ARHGEF4: variants seen among roughly 807,000 people sequenced by gnomAD.
The protein encoded by ARHGEF4 is APC-stimulated guanine nucleotide exchange factor 1.
ARHGEF4 carries 119 observed loss-of-function variants against 162.0 expected under a neutral mutation model. The observed-to-expected ratio is 0.73, with a 90% CI of 0.63 to 0.86. The LOEUF is 0.86. Among genes scored for constraint, ARHGEF4 ranks in the 40% least tolerant of loss-of-function variants. The probability of loss-of-function intolerance (pLI) is 0.00; values close to 1 mark genes in which losing one functional copy is unlikely to be tolerated. For missense variants in ARHGEF4, 2,488 were observed against 2,456.0 expected (o/e 1.01, Z -0.28); for synonymous variants, 1,014 against 979.9 (o/e 1.03, Z -0.65).
chr2:130,893,050 C>T (rs911365965), intron 1 of ARHGEF4, among the ~76,000 whole-genome samples: 1 of 152,248 alleles, frequency 6.6e-6, no homozygotes. Context: ...GCGTGCAAAG[C>T]CCCTGCACCT....
In ARHGEF4 at chr2:130,914,913, TC is replaced by T. The variant is rs1417657259; in HGVS notation, c.972del (p.Arg325AspfsTer7). 2.0e-6 allele frequency: 3 copies of T among 1,523,414 alleles called. No homozygotes were observed. In the East Asian group the frequency reaches 7.4e-5, roughly 37 times the overall value. The allele number at this position is 1,523,414 out of a possible 1,614,324, so 94.4% of individuals were successfully genotyped here. A position where few individuals can be genotyped will look rare whatever the true frequency, so the allele number is the denominator to read the frequency against. ...AACTACTGGTGACAAGAACAGGGCA[TC>T]CCCCAGACTCAACTGTGGGCACATG... ...PETTGDKNRASPRLNCGHMRA... is the reference protein window; with the variant it reads ...PETTGDKNRAXPRLNCGHMRA... On this transcript the variant is annotated frameshift_variant, in exon 2 of 14. Transcript: ENST00000409359. LOFTEE classifies it high-confidence loss of function.
intron 6 of ARHGEF4, 153 bp from the exon 7 acceptor site, chr2:131,039,863 G>A: frequency 7.0e-7 from 1 of 1,428,816 alleles, no homozygotes; most frequent in Non-Finnish European, 9.1e-7. Flanking sequence ...TTGCGTGGGT[G>A]GCGTGGTGGG....
intron 2 of ARHGEF4, among the ~76,000 whole-genome samples, chr2:130,925,149 G>A (rs1396171721): frequency 6.6e-6 from 1 of 151,198 alleles, no homozygotes; most frequent in Non-Finnish European, 1.5e-5. Flanking sequence ...TCTAAAATTT[G>A]TATGGAGAGA....
chr2:130,848,034 T>C (rs1027494608), intron 1 of ARHGEF4, among the ~76,000 whole-genome samples: 3 of 152,228 alleles, frequency 2.0e-5, no homozygotes, highest in Non-Finnish European at 2.9e-5. Context: ...GCAGGGGCTC[T>C]TCCAGAGGAG....
intron 1 of ARHGEF4, among the ~76,000 whole-genome samples, chr2:130,879,656 C>T (rs957910956): frequency 6.6e-6 from 1 of 152,220 alleles, no homozygotes; most frequent in Non-Finnish European, 1.5e-5. Flanking sequence ...AATTTTTTAA[C>T]TTCCATATCT....
chr2:131,045,868 C>A, intron 13 of ARHGEF4, 170 bp from the exon 14 acceptor site: 1 of 1,482,674 alleles, frequency 6.7e-7, no homozygotes, highest in African/African-American at 1.4e-5. Flanking sequence ...CCCAGGCAGC[C>A]TGAGCTCTTG....
intron 4 of ARHGEF4, among the ~76,000 whole-genome samples, chr2:130,966,871 C>T (rs1277700665): frequency 6.6e-6 from 1 of 152,178 alleles, no homozygotes. Flanking sequence ...CTGGGGGGTG[C>T]GCCCCACTGA....
chr2:131,002,086 T>TA (rs1401765668), intron 4 of ARHGEF4, among the ~76,000 whole-genome samples: 8 of 152,210 alleles, frequency 5.3e-5, no homozygotes, highest in Admixed American at 4.6e-4. Context: ...AACAAATACT[T>TA]ACTGAGAATC....
intron 4 of ARHGEF4, among the ~76,000 whole-genome samples, chr2:130,993,949 T>C (rs1687218909): frequency 6.6e-6 from 1 of 152,036 alleles, no homozygotes; most frequent in African/African-American, 2.4e-5. Flanking sequence ...CTGGCTAATT[T>C]TTGTATTTTT....
intron 4 of ARHGEF4, among the ~76,000 whole-genome samples, chr2:131,008,140 A>T (rs1419835307): frequency 6.6e-6 from 1 of 152,066 alleles, no homozygotes; most frequent in Non-Finnish European, 1.5e-5. Flanking sequence ...AATTGGCTAC[A>T]TGGTGTTTCA....
chr2:130,908,138 T>C (rs1680949921), intron 1 of ARHGEF4, among the ~76,000 whole-genome samples: 1 of 152,190 alleles, frequency 6.6e-6, no homozygotes, highest in Non-Finnish European at 1.5e-5. Context: ...TCAGCAGTAT[T>C]TTGTAATTCT....
intron 4 of ARHGEF4, chr2:130,946,845 G>A (rs1574279281): frequency 3.7e-6 from 2 of 539,570 alleles, no homozygotes; most frequent in East Asian, 4.3e-5. Flanking sequence ...GCTCATGCCT[G>A]TAATCCCAGC....
chr2:130,922,124 C>T (rs1162998460), intron 2 of ARHGEF4, among the ~76,000 whole-genome samples: 2 of 151,708 alleles, frequency 1.3e-5, no homozygotes, highest in Non-Finnish European at 2.9e-5. Flanking sequence ...AATCTCAGCA[C>T]TTTGGGAGGC....
At chr2:130,988,587 G>T (rs1686676005) in intron 4 of ARHGEF4, among the ~76,000 whole-genome samples, 1 of 152,082 alleles carries the variant, frequency 6.6e-6, no homozygotes, top group South Asian at 2.1e-4. Context: ...CTGTGTATAT[G>T]CTTTTTTTAT....
chr2:131,026,316 G>A lies in ARHGEF4; in HGVS notation c.3986-1629G>A, dbSNP rs78511285. ...GAAGAATATCATTATGACTGAGGTTGGAAAGAATTTCCTAGACACAGAAAA... is the reference window on the plus strand; with the variant it reads ...GAAGAATATCATTATGACTGAGGTTAGAAAGAATTTCCTAGACACAGAAAA... On this transcript the variant is annotated intron_variant, in intron 4 of 13. Transcript: ENST00000409359. 1.2e-4 allele frequency among the ~76,000 whole-genome samples: 19 copies of A among 152,312 alleles called. No individual in the cohort carries two copies. The East Asian group carries it at 3.7e-3, about 29-fold the overall frequency.
chr2:131,038,897 C>G lies in ARHGEF4; in HGVS notation c.4170C>G (p.Asp1390Glu). ...GSVVCAEALW[D>E]HVTMDDQELG... ...TGGTCTGCGCTGAAGCACTCTGGGA[C>G]CATGTCACCATGGACGACCAGGAGC... The change falls in exon 6 of 14, where the codon GAC (aspartate) becomes GAG (glutamate). Residue 1390 changes from aspartate (D) to glutamate (E), a missense_variant. Asp to Glu is a conservative substitution (Grantham distance 45, BLOSUM62 2). Transcript: ENST00000409359. 1.2e-6 allele frequency: 2 copies of G among 1,613,508 alleles called. No individual in the cohort carries two copies. Among genetic ancestry groups the G allele is most frequent in the Non-Finnish European group, 1.7e-6 (2 of 1,179,968 alleles).
rs558640830 is a variant in ARHGEF4 at position 130,874,469 on chromosome 2, C to T, written c.39+37477C>T. 1.4e-4 allele frequency among the ~76,000 whole-genome samples: 22 copies of T among 152,338 alleles called. 1 individual carries two copies. The South Asian group carries it at 3.3e-3, about 23-fold the overall frequency. On this transcript the variant is annotated intron_variant, in intron 1 of 13. Coordinates refer to ENST00000409359, the MANE Select transcript of ARHGEF4 (RefSeq NM_001367493.1). Reference sequence around the variant, plus strand: ...GAGGGATCATGTCTCTGCACCTTTTCTTTCTTACATGACAAATAAACAAAG... The same window carrying T: ...GAGGGATCATGTCTCTGCACCTTTTTTTTCTTACATGACAAATAAACAAAG...
intron 4 of ARHGEF4, among the ~76,000 whole-genome samples, chr2:130,963,311 G>A (rs1684745523): frequency 6.6e-6 from 1 of 152,120 alleles, no homozygotes; most frequent in African/African-American, 2.4e-5. Context: ...GCTGAGCGCA[G>A]ATGAGGGTCG....
chr2:130,963,270 C>A (rs887378792), intron 4 of ARHGEF4, among the ~76,000 whole-genome samples: 4 of 152,060 alleles, frequency 2.6e-5, no homozygotes, highest in African/African-American at 7.2e-5. Context: ...GGGTCGCAGG[C>A]GCCCGGTGGT....
Sources: gnomAD v4.1 joint callset for allele counts (sites outside exome capture counted in the v4.1 genomes callset) on GRCh38, gnomAD v4.1.1 for gene constraint, MANE v1.5 for transcripts, NCBI Gene and HGNC (gene_info 2026-07-23, HGNC 2026-07-21) for gene names.